The following ROBO1 variants were observed in gnomAD, a reference collection of about 807,000 sequenced individuals.
ROBO1 encodes the protein roundabout homolog 1.
ROBO1 carries 149 observed loss-of-function variants against 195.9 expected under a neutral mutation model. The observed-to-expected ratio is 0.76, with a 90% CI of 0.67 to 0.87. The LOEUF is 0.87. Among genes scored for constraint, ROBO1 ranks in the 40% least tolerant of loss-of-function variants. The probability of loss-of-function intolerance (pLI) is 0.00; values close to 1 mark genes in which losing one functional copy is unlikely to be tolerated. For synonymous variants in ROBO1, 816 were observed against 733.2 expected, an observed-to-expected ratio of 1.11 and a Z score of -1.82; for missense variants, 1,933 against 2,068.3, an observed-to-expected ratio of 0.93 and a Z score of 1.27.
At chr3:79,347,182 G>C (rs1187075998) in intron 2 of ROBO1, among the ~76,000 whole-genome samples, 1 of 152,084 alleles carries the variant, frequency 6.6e-6, no homozygotes, top group Non-Finnish European at 1.5e-5. Context: ...GGGATGGAGA[G>C]TTGTAATTTT....
intron 1 of ROBO1, among the ~76,000 whole-genome samples, chr3:79,751,741 T>C (rs543016843): frequency 5.9e-5 from 9 of 152,272 alleles, no homozygotes; most frequent in Middle Eastern, 3.4e-3. Context: ...GCAATGAAAA[T>C]CTGATTATTC....
intron 3 of ROBO1, among the ~76,000 whole-genome samples, chr3:78,988,124 T>C (rs1046633830): frequency 7.2e-5 from 11 of 152,268 alleles, no homozygotes; most frequent in Non-Finnish European, 2.9e-5. Context: ...GCTGTGATCA[T>C]GTACACAACC....
chr3:78,758,203 A>G (rs2082988910), intron 4 of ROBO1, among the ~76,000 whole-genome samples: 1 of 152,178 alleles, frequency 6.6e-6, no homozygotes, highest in South Asian at 2.1e-4. Flanking sequence ...TATCTTTTCC[A>G]GTAATTGTTT....
intron 1 of ROBO1, among the ~76,000 whole-genome samples, chr3:79,736,518 C>A (rs1703395712): frequency 6.6e-6 from 1 of 152,072 alleles, no homozygotes; most frequent in African/African-American, 2.4e-5. Context: ...GTTATTATAC[C>A]AATACAAGGG....
Position 78,977,158 on chromosome 3 carries a change from C to A in ROBO1, c.173-38231G>T, listed in dbSNP as rs190586258. ...TTTCCAATTTTCTACAGATTAAATC[C>A]CAAACCACTTACCTTGTCAGTTAAA... On this transcript the variant is annotated intron_variant, in intron 3 of 30. Transcript: ENST00000464233. Among the ~76,000 whole-genome samples, 47 of 152,172 alleles carry A rather than the reference C, an allele frequency of 3.1e-4. No homozygotes were observed. The Middle Eastern group carries it at 0.014, about 44-fold the overall frequency.
At chr3:78,834,315 A>G (rs546268711) in intron 4 of ROBO1, among the ~76,000 whole-genome samples, 1 of 151,918 alleles carries the variant, frequency 6.6e-6, no homozygotes, top group East Asian at 1.9e-4. Flanking sequence ...TTCTTGAGGA[A>G]GTTATTTTGG....
At chr3:79,107,981 T>G (rs1198707282) in intron 3 of ROBO1, among the ~76,000 whole-genome samples, 1 of 151,798 alleles carries the variant, frequency 6.6e-6, no homozygotes, top group Admixed American at 6.6e-5. Context: ...AATAATCAAA[T>G]GATTTCTTAC....
rs186720363 is a variant in ROBO1, at chr3:79,672,636, T to A, written c.-50-82675A>T. ...ACTTTAAATTGGGGGGACATAAGGA[T>A]GCATTTTATTAATAGTTTCCGTAGT... On this transcript the variant is annotated intron_variant, in intron 1 of 30. Coordinates refer to ENST00000464233, the MANE Select transcript of ROBO1 (RefSeq NM_002941.4). 5.3e-5 allele frequency among the ~76,000 whole-genome samples: 8 copies of A among 151,996 alleles called. No homozygotes were observed. In the East Asian group the frequency reaches 1.6e-3, roughly 30 times the overall value.
At chr3:79,413,889 C>T (rs2037886375) in intron 2 of ROBO1, among the ~76,000 whole-genome samples, 1 of 152,022 alleles carries the variant, frequency 6.6e-6, no homozygotes, top group Admixed American at 6.6e-5. Context: ...ATCTGACTCC[C>T]CAAGGGCATC....
chr3:79,747,829 G>A (rs1246789563), intron 1 of ROBO1, among the ~76,000 whole-genome samples: 2 of 151,748 alleles, frequency 1.3e-5, no homozygotes. Context: ...GAAAAATAAT[G>A]TACAAAAAAT....
At chr3:79,494,109 G>A (rs558478424) in intron 2 of ROBO1, among the ~76,000 whole-genome samples, 1 of 152,260 alleles carries the variant, frequency 6.6e-6, no homozygotes, top group South Asian at 2.1e-4. Context: ...CAAGTACTAT[G>A]AGATGTGGAC....
At chr3:79,194,877 C>T (rs899935115) in intron 2 of ROBO1, among the ~76,000 whole-genome samples, 1 of 151,404 alleles carries the variant, frequency 6.6e-6, no homozygotes, top group Non-Finnish European at 1.5e-5. Flanking sequence ...AATGTTCTGC[C>T]TCAATAATAA....
intron 2 of ROBO1, among the ~76,000 whole-genome samples, chr3:79,564,790 T>C (rs543186650): frequency 6.6e-6 from 1 of 152,198 alleles, no homozygotes; most frequent in Non-Finnish European, 1.5e-5. Context: ...TTTAAATGCT[T>C]CATGCTTTAG....
intron 4 of ROBO1, among the ~76,000 whole-genome samples, chr3:78,886,023 T>A (rs992073731): frequency 2.0e-4 from 30 of 150,068 alleles, no homozygotes; most frequent in Admixed American, 1.9e-3. Flanking sequence ...TATATTTTTG[T>A]AAAACGTCTT....
At chr3:79,643,876 CA>C (rs1945739315) in intron 1 of ROBO1, among the ~76,000 whole-genome samples, 1 of 152,070 alleles carries the variant, frequency 6.6e-6, no homozygotes, top group Non-Finnish European at 1.5e-5. Context: ...TCAACAATAA[CA>C]CTAAGTGGAT....
chr3:78,787,661 T>C (rs2083877643), intron 4 of ROBO1, among the ~76,000 whole-genome samples: 1 of 152,174 alleles, frequency 6.6e-6, no homozygotes. Context: ...AAGATCACTC[T>C]GGTCAGGTGC....
chr3:78,737,395 A>G (rs1383333694), intron 5 of ROBO1, among the ~76,000 whole-genome samples: 2 of 152,194 alleles, frequency 1.3e-5, no homozygotes, highest in East Asian at 3.8e-4. Flanking sequence ...GAGTTCAAAT[A>G]GGTATACTAA....
chr3:79,190,068 C>A (rs940362168), intron 2 of ROBO1, among the ~76,000 whole-genome samples: 1 of 151,510 alleles, frequency 6.6e-6, no homozygotes. Flanking sequence ...TAAAGAAATG[C>A]CTTAAACAAT....
chr3:79,429,686 G>A (rs1304800120), intron 2 of ROBO1, among the ~76,000 whole-genome samples: 2 of 152,120 alleles, frequency 1.3e-5, no homozygotes, highest in Non-Finnish European at 2.9e-5. Flanking sequence ...TAATTTTGTT[G>A]TAGTAGTAAT....
Sources: allele counts gnomAD v4.1 joint callset (sites outside exome capture counted in the v4.1 genomes callset), GRCh38; gene constraint gnomAD v4.1.1; transcripts MANE v1.5; gene names NCBI Gene and HGNC (gene_info 2026-07-23, HGNC 2026-07-21).